PDE4D: variants seen among roughly 807,000 people sequenced by gnomAD.
PDE4D encodes 3',5'-cyclic-AMP phosphodiesterase 4D.
In PDE4D, 24 loss-of-function variants were observed where a neutral mutation model predicts 87.4. The ratio of observed to expected loss-of-function variants is 0.27; its 90% CI spans 0.20 to 0.39. The LOEUF is 0.39. Among genes scored for constraint, PDE4D ranks in the 10% least tolerant of loss-of-function variants. PDE4D has a pLI of 1.00. For missense variants in PDE4D, 714 were observed against 1,041.0 expected (o/e 0.69, Z 4.32); for synonymous variants, 384 against 383.2 (o/e 1.00, Z -0.02).
chr5:59,873,085 C>G (rs936189541), intron 1 of PDE4D, among the ~76,000 whole-genome samples: 8 of 152,122 alleles, frequency 5.3e-5, no homozygotes, highest in African/African-American at 1.9e-4. Context: ...CATTTCTTGT[C>G]CCTCCTCATG....
chr5:59,119,620 A>G (rs193001050), intron 5 of PDE4D, among the ~76,000 whole-genome samples: 2 of 152,328 alleles, frequency 1.3e-5, no homozygotes, highest in Admixed American at 1.3e-4. Context: ...AAAGCTTAAA[A>G]TATGGTGACT....
intron 1 of PDE4D, among the ~76,000 whole-genome samples, chr5:60,383,054 G>A (rs1761972724): frequency 6.6e-6 from 1 of 152,100 alleles, no homozygotes; most frequent in Non-Finnish European, 1.5e-5. Context: ...CCAATTTTCA[G>A]ATCTAAAAAA....
chr5:59,398,348 C>T (rs1482469436), intron 1 of PDE4D, among the ~76,000 whole-genome samples: 40 of 140,078 alleles, frequency 2.9e-4, no homozygotes, highest in Non-Finnish European at 4.9e-4. Flanking sequence ...ACTGGCAAAC[C>T]AAATCCAGCA....
chr5:59,283,194 TA>T (rs1766185265), intron 1 of PDE4D, among the ~76,000 whole-genome samples: 1 of 152,174 alleles, frequency 6.6e-6, no homozygotes, highest in South Asian at 2.1e-4. Context: ...CTATTAAAAA[TA>T]AGTTTTAAAA....
intron 2 of PDE4D, among the ~76,000 whole-genome samples, chr5:60,087,895 G>A (rs2152908468): frequency 6.6e-6 from 1 of 152,112 alleles, no homozygotes; most frequent in South Asian, 2.1e-4. Context: ...CCAAGTGCAG[G>A]AAGCTCAAAG....
At chr5:60,198,661 T>A (rs950118005) in intron 1 of PDE4D, among the ~76,000 whole-genome samples, 4 of 151,784 alleles carry the variant, frequency 2.6e-5, no homozygotes, top group African/African-American at 9.6e-5. Context: ...CTTTGTCCCC[T>A]GATATGTCTT....
At chr5:58,979,801 C>T (rs529850188) in intron 11 of PDE4D, among the ~76,000 whole-genome samples, 4 of 152,276 alleles carry the variant, frequency 2.6e-5, no homozygotes, top group African/African-American at 9.6e-5. Context: ...TAGCATGTAT[C>T]GCATTCTACC....
intron 1 of PDE4D, among the ~76,000 whole-genome samples, chr5:59,808,261 C>G (rs1767961327): frequency 6.6e-6 from 1 of 152,044 alleles, no homozygotes; most frequent in African/African-American, 2.4e-5. Flanking sequence ...CATAGTCATT[C>G]CAACTTCAGA....
At chr5:60,131,295 G>A (rs2149398353) in intron 2 of PDE4D, among the ~76,000 whole-genome samples, 1 of 152,288 alleles carries the variant, frequency 6.6e-6, no homozygotes, top group Non-Finnish European at 1.5e-5. Flanking sequence ...AAGTAGAGAA[G>A]GATAAAGCTG....
chr5:59,441,090 C>T (rs1797547580), intron 1 of PDE4D, among the ~76,000 whole-genome samples: 1 of 152,134 alleles, frequency 6.6e-6, no homozygotes, highest in Non-Finnish European at 1.5e-5. Flanking sequence ...CAAAAACAAG[C>T]CTGAGTCTTA....
chr5:60,426,271 G>A (rs1004037110), intron 1 of PDE4D, among the ~76,000 whole-genome samples: 1 of 152,166 alleles, frequency 6.6e-6, no homozygotes, highest in Non-Finnish European at 1.5e-5. Context: ...CAAAGACTTG[G>A]AACCAACCCA....
intron 1 of PDE4D, among the ~76,000 whole-genome samples, chr5:59,377,839 A>G (rs1051452054): frequency 6.6e-6 from 1 of 152,100 alleles, no homozygotes; most frequent in African/African-American, 2.4e-5. Flanking sequence ...GTGGGAGTGT[A>G]AATTAGTTCA....
Position 60,390,726 on chromosome 5 carries a change from T to C in PDE4D, c.-90+97216A>G, listed in dbSNP as rs561214941. ...GCCTGAGGGGGAATATAAGCTACTA[T>C]TAAAAAAATCAACCTGGCACCTTGG... is the stretch of plus-strand genomic sequence containing the variant. On this transcript the variant is annotated intron_variant, in intron 1 of 16. Transcript: ENST00000502484. Among the ~76,000 whole-genome samples, 18 of 151,934 alleles carry C rather than the reference T, an allele frequency of 1.2e-4. No homozygotes were observed. In the South Asian group the frequency reaches 3.1e-3, roughly 26 times the overall value.
intron 1 of PDE4D, among the ~76,000 whole-genome samples, chr5:59,610,868 GA>G (rs1377528341): frequency 6.6e-6 from 1 of 152,182 alleles, no homozygotes; most frequent in African/African-American, 2.4e-5. Flanking sequence ...GATAATGGCA[GA>G]AGGTAAGGAG....
At chr5:59,329,812 C>T (rs949100529) in intron 1 of PDE4D, among the ~76,000 whole-genome samples, 6 of 152,112 alleles carry the variant, frequency 3.9e-5, no homozygotes, top group Non-Finnish European at 1.5e-5. Context: ...ATCTGAGAAG[C>T]TGAGTCATTC....
At chr5:58,988,614 A>G in intron 10 of PDE4D, 22 bp from the exon 11 acceptor site, 1 of 1,090,296 alleles carries the variant, frequency 9.2e-7, no homozygotes, top group Non-Finnish European at 1.3e-6. Context: ...GACAATATAG[A>G]TAATATTACT....
At chr5:59,825,202 A>G (rs1770176441) in intron 1 of PDE4D, among the ~76,000 whole-genome samples, 1 of 152,166 alleles carries the variant, frequency 6.6e-6, no homozygotes, top group African/African-American at 2.4e-5. Flanking sequence ...TAAAATGTTA[A>G]GCATACAAAA....
chr5:60,261,396 T>G (rs1265548464), intron 1 of PDE4D, among the ~76,000 whole-genome samples: 1 of 152,150 alleles, frequency 6.6e-6, no homozygotes, highest in Non-Finnish European at 1.5e-5. Flanking sequence ...CCCCTACATC[T>G]CTTTTTGTAA....
rs1433128645 is a variant in PDE4D, at chr5:58,975,896, A to AC, written c.1831-58_1831-57insG. On this transcript the variant is annotated intron_variant, in intron 13 of 14. Coordinates refer to ENST00000340635, the MANE Select transcript of PDE4D (RefSeq NM_001104631.2). The surrounding 1 kb of genome is among the most constrained non-coding windows in gnomAD (Gnocchi z 4.2). The stretch of plus-strand genomic sequence containing the variant: ...CCTGTTCCTTTTTTTTAAAAAAAAA[A>AC]ACAAAAAAAACTAGAAATTCACATT... 2.8e-5 allele frequency: 35 copies of AC among 1,257,644 alleles called. No homozygotes were observed. In the African/African-American group the frequency reaches 4.5e-4, roughly 16 times the overall value. 77.9% of individuals were successfully genotyped at this position (1,257,644 alleles called of 1,614,324 possible). A position where few individuals can be genotyped will look rare whatever the true frequency, so the allele number is the denominator to read the frequency against.
Sources: allele counts gnomAD v4.1 joint callset (sites outside exome capture counted in the v4.1 genomes callset), GRCh38; gene constraint gnomAD v4.1.1; non-coding constraint Gnocchi (gnomAD v3.1); transcripts MANE v1.5; gene names NCBI Gene and HGNC (gene_info 2026-07-23, HGNC 2026-07-21).